PTBP3: variants seen among roughly 807,000 people sequenced by gnomAD.
PTBP3 encodes the protein polypyrimidine tract binding protein 3.
In PTBP3, 20 loss-of-function variants were observed where a neutral mutation model predicts 58.7. The ratio of observed to expected loss-of-function variants is 0.34; its 90% CI spans 0.24 to 0.50. The LOEUF is 0.50. Ranked by LOEUF, PTBP3 falls within the 20% of genes least tolerant of loss-of-function variation. The pLI, the probability that PTBP3 is intolerant of heterozygous loss-of-function variation, is 0.98. For synonymous variants in PTBP3, 185 were observed against 219.8 expected (o/e 0.84, Z 1.40); for missense variants, 509 against 637.2 (o/e 0.80, Z 2.17).
Position 112,333,415 on chromosome 9 carries a change from G to A in PTBP3, c.-52+55C>T. On this transcript the variant is annotated intron_variant, in intron 1 of 13. Transcript: ENST00000374257. ...CCCTTACGCGTCCCGCGGAGAGCCG[G>A]GTGGAAGCGGCGCCAAGGCAACCCG... The A allele has an allele frequency of 3.2e-6, 5 of 1,555,870 alleles. No individual in the cohort carries two copies. The South Asian group carries it at 3.5e-5, about 11-fold the overall frequency.
At position 112,223,712 on chromosome 9, in the gene PTBP3, A is replaced by T; in HGVS notation, c.*139T>A. The T allele has an allele frequency of 5.9e-6, 8 of 1,361,318 alleles. No homozygotes were observed. The highest frequency in any genetic ancestry group is 5.8e-5 in the South Asian group (3 of 51,704). The allele number at this position is 1,361,318 out of a possible 1,614,324, so 84.3% of individuals were successfully genotyped here. On this transcript the variant is annotated 3_prime_UTR_variant, in exon 14 of 14. Transcript: ENST00000374257. ...GAATACAAAAAAAAAAAATCCCTTG[A>T]TTTTTAAAATATACTTGAATATCAA...
intron 7 of PTBP3, among the ~76,000 whole-genome samples, chr9:112,239,123 T>C (rs1360355641): frequency 1.3e-5 from 2 of 152,160 alleles, no homozygotes; most frequent in African/African-American, 4.8e-5. Flanking sequence ...TTTCTTCTAT[T>C]ATGTAAGAAA....
intron 1 of PTBP3, among the ~76,000 whole-genome samples, chr9:112,314,855 G>C (rs753517566): frequency 7.0e-6 from 1 of 142,870 alleles, no homozygotes; most frequent in East Asian, 2.0e-4. Context: ...TTTTTGAGAC[G>C]GACTCTTGCT....
chr9:112,303,624 G>C (rs137870482), intron 1 of PTBP3, among the ~76,000 whole-genome samples: 2,662 of 152,190 alleles, frequency 0.017, 68 homozygotes, highest in South Asian at 0.06. Context: ...CCAGCACTTT[G>C]GGAGGCTGAG....
the PTBP3 span, among the ~76,000 whole-genome samples, chr9:112,342,729 A>AAAG: frequency 0.016 from 2,465 of 150,956 alleles, 72 homozygotes; most frequent in African/African-American, 0.056. Flanking sequence ...AAAGAAAAAC[A>AAAG]AAGAAGAAGA....
At chr9:112,319,600 A>G (rs974254101) in intron 1 of PTBP3, among the ~76,000 whole-genome samples, 1 of 152,230 alleles carries the variant, frequency 6.6e-6, no homozygotes, top group Non-Finnish European at 1.5e-5. Context: ...TACAGTCATT[A>G]TGGAAAACAG....
In PTBP3 at chr9:112,323,450, G is replaced by A. The variant is rs184856296; in HGVS notation, c.-52+10020C>T. On this transcript the variant is annotated intron_variant, in intron 1 of 13. Coordinates refer to ENST00000374257, the MANE Select transcript of PTBP3 (RefSeq NM_001163788.4). The stretch of plus-strand genomic sequence containing the variant: ...TTTCTCAAAAAAGAAAAGTGCCATG[G>A]TATTGGCCTCTATGCACATCAGACA... Among the ~76,000 whole-genome samples the A allele has an allele frequency of 1.7e-3, 265 of 152,264 alleles. 1 individual carries two copies. Among genetic ancestry groups the A allele is most frequent in the Non-Finnish European group, 3.0e-3 (206 of 68,016 alleles).
chr9:112,364,177 CTTTTTTTTTTTT>C, the PTBP3 span, among the ~76,000 whole-genome samples: 1 of 73,502 alleles, frequency 1.4e-5, no homozygotes, highest in Admixed American at 2.3e-4. Flanking sequence ...TAGGTCAGTT[CTTTTTTTTTTTT>C]TTTTTTTTTT....
At chr9:112,278,343 C>T (rs1167798534) in intron 2 of PTBP3, among the ~76,000 whole-genome samples, 1 of 152,112 alleles carries the variant, frequency 6.6e-6, no homozygotes, top group Admixed American at 6.6e-5. Flanking sequence ...GTCTTTTTGG[C>T]ACCCTCCCTG....
rs536247405 is a variant in PTBP3 at position 112,275,723 on chromosome 9, A to G, written c.204+121T>C. The G allele has an allele frequency of 2.5e-5, 23 of 928,582 alleles. No homozygotes were observed. The South Asian group carries it at 5.4e-4, about 22-fold the overall frequency. The allele number at this position is 928,582 out of a possible 1,614,324, so 57.5% of individuals were successfully genotyped here. ...CCCCCCAAAAAAATCTACTTTTAAAACTAACTTATGTTCATAGTATGAAAT... is the reference window on the plus strand; with the variant it reads ...CCCCCCAAAAAAATCTACTTTTAAAGCTAACTTATGTTCATAGTATGAAAT... On this transcript the variant is annotated intron_variant, in intron 3 of 13. Transcript: ENST00000374257.
the PTBP3 span, among the ~76,000 whole-genome samples, chr9:112,378,868 A>C: frequency 6.6e-6 from 1 of 152,182 alleles, no homozygotes; most frequent in Admixed American, 6.5e-5. Flanking sequence ...TGCAGGAGGA[A>C]ATAGAGTCAT....
At chr9:112,373,612 C>T in the PTBP3 span, among the ~76,000 whole-genome samples, 1 of 152,316 alleles carries the variant, frequency 6.6e-6, no homozygotes, top group East Asian at 1.9e-4. Context: ...AACCCATACA[C>T]ATCTCCTGAG....
chr9:112,240,599 ATATAC>A (rs1177117398), intron 7 of PTBP3, among the ~76,000 whole-genome samples: 1 of 151,258 alleles, frequency 6.6e-6, no homozygotes, highest in Non-Finnish European at 1.5e-5. Context: ...ATTATATAGT[ATATAC>A]TATACTATAC....
upstream of PTBP3, among the ~76,000 whole-genome samples, chr9:112,335,943 G>A (rs756045365): frequency 2.4e-4 from 36 of 149,364 alleles, no homozygotes; most frequent in East Asian, 4.3e-4. Flanking sequence ...GCACAATCTC[G>A]GCTCACTGCA....
chr9:112,345,638 C>T, the PTBP3 span, among the ~76,000 whole-genome samples: 1 of 151,800 alleles, frequency 6.6e-6, no homozygotes, highest in South Asian at 2.1e-4. Context: ...ACATTGGCCT[C>T]CCAGAATGTT....
chr9:112,378,892 CA>C, the PTBP3 span, among the ~76,000 whole-genome samples: 5 of 152,112 alleles, frequency 3.3e-5, no homozygotes, highest in African/African-American at 1.2e-4. Flanking sequence ...GGGCCCATAA[CA>C]AAGGGGAGAG....
the PTBP3 span, among the ~76,000 whole-genome samples, chr9:112,367,205 T>C: frequency 6.6e-5 from 10 of 152,228 alleles, no homozygotes; most frequent in African/African-American, 2.4e-4. Flanking sequence ...AGCTATATTT[T>C]AATACATAAA....
At chr9:112,314,018 G>A (rs1829598071) in intron 1 of PTBP3, among the ~76,000 whole-genome samples, 2 of 152,314 alleles carry the variant, frequency 1.3e-5, no homozygotes, top group South Asian at 4.1e-4. Context: ...CGCAAATGAG[G>A]TTATGTGTAA....
chr9:112,345,032 C>T, the PTBP3 span, among the ~76,000 whole-genome samples: 3 of 152,002 alleles, frequency 2.0e-5, no homozygotes, highest in African/African-American at 7.2e-5. Flanking sequence ...ACTCGGGAGG[C>T]TGAGGCAGGA....
Sources: allele counts gnomAD v4.1 joint callset (sites outside exome capture counted in the v4.1 genomes callset), GRCh38; gene constraint gnomAD v4.1.1; transcripts MANE v1.5; gene names NCBI Gene and HGNC (gene_info 2026-07-23, HGNC 2026-07-21).